Variants in MIDEAS observed in about 807,000 individuals in gnomAD.
MIDEAS encodes the protein mitotic deacetylase associated SANT domain protein.
MIDEAS carries 26 observed loss-of-function variants against 102.7 expected under a neutral mutation model. The observed-to-expected ratio is 0.25, with a 90% CI of 0.19 to 0.35. The LOEUF (loss-of-function observed/expected upper bound fraction) is 0.35. Among genes scored for constraint, MIDEAS ranks in the 10% least tolerant of loss-of-function variants. MIDEAS has a pLI of 1.00. For missense variants in MIDEAS, 1,231 were observed against 1,435.6 expected (o/e 0.86, Z 2.30); for synonymous variants, 585 against 591.0 (o/e 0.99, Z 0.15).
chr14:73,764,805 G>T (rs963497219), upstream of MIDEAS, among the ~76,000 whole-genome samples: 3 of 152,240 alleles, frequency 2.0e-5, no homozygotes, highest in African/African-American at 7.2e-5. Context: ...CCAGCCCACA[G>T]CTGTCTGTGT....
chr14:73,784,226 A>C (rs558388597), intron 1 of MIDEAS, among the ~76,000 whole-genome samples: 20 of 152,372 alleles, frequency 1.3e-4, no homozygotes, highest in Admixed American at 1.3e-3. Context: ...AGGAGCCGTG[A>C]ACTAGGCAGC....
rs1228502776 is a variant in MIDEAS at position 73,738,647 on chromosome 14, C to T, written c.1362G>A (p.Thr454=). 10 of 1,613,688 alleles carry T rather than the reference C, an allele frequency of 6.2e-6. No homozygotes were observed. The highest frequency in any genetic ancestry group is 1.3e-5 in the African/African-American group (1 of 75,070). The change falls in exon 2 of 13, where the codon ACG becomes ACA. Residue 454 remains threonine, a synonymous_variant. Coordinates refer to ENST00000423556, the MANE Select transcript of MIDEAS (RefSeq NM_001367710.1). ...QVLRGGVIQS[T]RRRRRASQEA... The stretch of plus-strand genomic sequence containing the variant: ...CCTGGGATGCCCGGCGCCTCCGTCG[C>T]GTGCTCTGGATCACTCCGCCCCGTA...
In MIDEAS at chr14:73,729,761, G is replaced by C. The variant is rs537089743; in HGVS notation, c.1974C>G (p.Pro658=). Reference sequence around the variant, plus strand: ...AGCCTTCCCGCACAGGGCTGAGGATGGGGGGCGGCGTGTAGGGAGGTAGCT... The same window carrying C: ...AGCCTTCCCGCACAGGGCTGAGGATCGGGGGCGGCGTGTAGGGAGGTAGCT... The part of the protein sequence containing the change: ...SFELPPYTPP[P]ILSPVREGSG... The change falls in exon 4 of 13, where the codon CCC becomes CCG. Residue 658 remains proline (P), a synonymous_variant. Coordinates refer to ENST00000423556, the MANE Select transcript of MIDEAS (RefSeq NM_001367710.1). The C allele has an allele frequency of 2.5e-6, 4 of 1,614,022 alleles. No individual in the cohort carries two copies. Among genetic ancestry groups the C allele is most frequent in the African/African-American group, 1.3e-5 (1 of 75,066 alleles).
At chr14:73,736,172 A>G (rs1157158822) in intron 3 of MIDEAS, among the ~76,000 whole-genome samples, 2 of 152,166 alleles carry the variant, frequency 1.3e-5, no homozygotes, top group Admixed American at 6.5e-5. Context: ...AATAAAATAA[A>G]TAAGAATAAA....
intron 1 of MIDEAS, among the ~76,000 whole-genome samples, chr14:73,772,794 A>ACT (rs368990387): frequency 7.4e-6 from 1 of 135,628 alleles, no homozygotes; most frequent in Non-Finnish European, 1.6e-5. Context: ...TTCAAGTTCT[A>ACT]GTGTGTGTGT....
At position 73,718,760 on chromosome 14, in the gene MIDEAS, T is replaced by G; in HGVS notation, c.*83A>C. ...CCTGCAATCCTCTCCTCACTCCCTC[T>G]TGAGATGCCAGGGTGTCTGCGGGCG... On this transcript the variant is annotated 3_prime_UTR_variant, in exon 13 of 13. Transcript: ENST00000423556. 3 of 1,297,314 alleles carry G rather than the reference T, an allele frequency of 2.3e-6. No homozygotes were observed. Among genetic ancestry groups the G allele is most frequent in the Non-Finnish European group, 3.0e-6 (3 of 1,013,004 alleles). 80.4% of individuals were successfully genotyped at this position (1,297,314 alleles called of 1,614,324 possible). A position where few individuals can be genotyped will look rare whatever the true frequency, so the allele number is the denominator to read the frequency against.
intron 1 of MIDEAS, among the ~76,000 whole-genome samples, chr14:73,785,125 G>A (rs2053794114): frequency 6.6e-6 from 1 of 152,234 alleles, no homozygotes; most frequent in South Asian, 2.1e-4. Context: ...AACGTAGCTG[G>A]GCTGAGTGCT....
At chr14:73,783,491 G>A (rs970329437) in intron 1 of MIDEAS, among the ~76,000 whole-genome samples, 1 of 152,208 alleles carries the variant, frequency 6.6e-6, no homozygotes, top group Non-Finnish European at 1.5e-5. Flanking sequence ...GTGGAGAAGG[G>A]CCCTAACTGC....
chr14:73,730,757 G>A (rs1368124419), intron 3 of MIDEAS, among the ~76,000 whole-genome samples: 1 of 152,052 alleles, frequency 6.6e-6, no homozygotes, highest in Non-Finnish European at 1.5e-5. Flanking sequence ...TCAGGAGTTC[G>A]AGACCAGCCT....
chr14:73,761,378 C>A (rs892820174), upstream of MIDEAS, among the ~76,000 whole-genome samples: 4 of 152,184 alleles, frequency 2.6e-5, no homozygotes, highest in African/African-American at 9.7e-5. Flanking sequence ...TCCTGCCAAA[C>A]CTGCACTTGC....
chr14:73,719,128 G>C (rs560771081), intron 12 of MIDEAS, 120 bp from the exon 13 acceptor site: 9 of 1,462,298 alleles, frequency 6.2e-6, no homozygotes, highest in Non-Finnish European at 8.1e-6. Context: ...CGGCCGGCCA[G>C]CTCGCGTCAT....
At chr14:73,724,171 A>T (rs1335714274) in intron 9 of MIDEAS, 1 of 152,214 alleles carries the variant, frequency 6.6e-6, no homozygotes, top group Non-Finnish European at 1.5e-5. Context: ...CTATTTGGCC[A>T]CTGGGTTTAG....
At chr14:73,757,131 G>T (rs557600171) in intron 1 of MIDEAS, among the ~76,000 whole-genome samples, 7 of 151,848 alleles carry the variant, frequency 4.6e-5, no homozygotes, top group Admixed American at 4.6e-4. Context: ...AATTAGCCAG[G>T]TGTGGTGATG....
upstream of MIDEAS, among the ~76,000 whole-genome samples, chr14:73,764,618 A>G (rs2140161773): frequency 6.6e-6 from 1 of 152,262 alleles, no homozygotes; most frequent in South Asian, 2.1e-4. Context: ...CCTTTTTGCC[A>G]GGTCTTTTCT....
chr14:73,748,620 G>A (rs555516251), intron 1 of MIDEAS, among the ~76,000 whole-genome samples: 2 of 151,776 alleles, frequency 1.3e-5, no homozygotes, highest in South Asian at 4.2e-4. Flanking sequence ...ACTAATATCA[G>A]ACAAAATATG....
Position 73,727,540 on chromosome 14 carries a change from C to T in MIDEAS, c.2096-16G>A. 3.1e-6 allele frequency: 5 copies of T among 1,594,714 alleles called. No individual in the cohort carries two copies. Among genetic ancestry groups the T allele is most frequent in the Non-Finnish European group, 4.3e-6 (5 of 1,169,788 alleles). On this transcript the variant is annotated splice_polypyrimidine_tract_variant and intron_variant, in intron 4 of 12. Transcript: ENST00000423556. ...TCAGCACTGTCTATGGGACAAAGAGCAGGTTGATAAATAGCACCCCCCTTT... is the reference window on the plus strand; with the variant it reads ...TCAGCACTGTCTATGGGACAAAGAGTAGGTTGATAAATAGCACCCCCCTTT...
chr14:73,772,398 C>T lies in MIDEAS; in HGVS notation c.-248+14704G>A, dbSNP rs149623473. On this transcript the variant is annotated intron_variant, in intron 1 of 11. Coordinates refer to the MIDEAS transcript ENST00000394071. Reference sequence around the variant, plus strand: ...GCATTATGCCAATTTTTACTATGGGCAGTGTAATCAGTTTTTATGCACTTA... The same window carrying T: ...GCATTATGCCAATTTTTACTATGGGTAGTGTAATCAGTTTTTATGCACTTA... Among the ~76,000 whole-genome samples, 1,270 of 152,358 alleles carry T rather than the reference C, an allele frequency of 8.3e-3. 14 individuals are homozygous for T. The highest frequency in any genetic ancestry group is 0.029 in the African/African-American group (1,208 of 41,578).
Position 73,726,811 on chromosome 14 carries a change from C to A in MIDEAS, c.2305+19G>T. On this transcript the variant is annotated intron_variant, in intron 6 of 12. Coordinates refer to ENST00000423556, the MANE Select transcript of MIDEAS (RefSeq NM_001367710.1). ...CCCATGTGCCTGCCCTCACTTGCTG[C>A]CCCCAGGCCCCTCCTCACCTTGCCT... 6.2e-7 allele frequency: 1 copy of A among 1,604,966 alleles called. No homozygotes were observed. Among genetic ancestry groups the A allele is most frequent in the South Asian group, 1.1e-5 (1 of 90,382 alleles).
Position 73,718,667 on chromosome 14 carries a change from C to T in MIDEAS, c.*176G>A. ...CTGGATCCTGGAGCCCTTAACGCTG[C>T]TCCCAGGGCCTTCATAAATAAAAGA... On this transcript the variant is annotated 3_prime_UTR_variant, in exon 13 of 13. Transcript: ENST00000423556. 1.7e-6 allele frequency: 1 copy of T among 590,338 alleles called. No homozygotes were observed. The highest frequency in any genetic ancestry group is 4.7e-5 in the South Asian group (1 of 21,408). 36.6% of individuals were successfully genotyped at this position (590,338 alleles called of 1,614,324 possible). A position where few individuals can be genotyped will look rare whatever the true frequency, so the allele number is the denominator to read the frequency against.
Sources: allele counts gnomAD v4.1 joint callset (sites outside exome capture counted in the v4.1 genomes callset), GRCh38; gene constraint gnomAD v4.1.1; transcripts MANE v1.5; gene names NCBI Gene and HGNC (gene_info 2026-07-23, HGNC 2026-07-21).